Variants in THSD7A observed in about 807,000 individuals in gnomAD.
THSD7A encodes the protein thrombospondin type 1 domain containing 7A.
In THSD7A, 96 loss-of-function variants were observed where a neutral mutation model predicts 231.3. The observed-to-expected ratio is 0.41, with a 90% CI of 0.35 to 0.49. The LOEUF (loss-of-function observed/expected upper bound fraction) is 0.49. Ranked by LOEUF, THSD7A falls within the 20% of genes least tolerant of loss-of-function variation. The pLI is 0.05. For missense variants in THSD7A, 2,290 were observed against 2,070.2 expected (o/e 1.11, Z -2.06); for synonymous variants, 940 against 743.3 (o/e 1.26, Z -4.30).
intron 1 of THSD7A, among the ~76,000 whole-genome samples, chr7:11,763,601 AAGT>A (rs1782934150): frequency 6.6e-6 from 1 of 152,184 alleles, no homozygotes; most frequent in Non-Finnish European, 1.5e-5. Flanking sequence ...TCAAAAAATG[AAGT>A]AGATGAATTA....
At chr7:11,801,448 A>G (rs1784274218) in intron 1 of THSD7A, among the ~76,000 whole-genome samples, 1 of 152,188 alleles carries the variant, frequency 6.6e-6, no homozygotes, top group Admixed American at 6.5e-5. Context: ...TGAAGCATAG[A>G]GGGCCTAAGA....
In THSD7A at chr7:11,668,129, T is replaced by C. The variant is rs1783219476; in HGVS notation, c.191-31168A>G. Among the ~76,000 whole-genome samples, 3 of 39,410 alleles carry C rather than the reference T, an allele frequency of 7.6e-5. No homozygotes were observed. In the South Asian group the frequency reaches 1.6e-3, roughly 21 times the overall value. The allele number at this position is 39,410 out of a possible 152,430, so 25.9% of individuals were successfully genotyped here. A position where few individuals can be genotyped will look rare whatever the true frequency, so the allele number is the denominator to read the frequency against. ...TTTACTCTGGATGTGAAATCTATTA[T>C]TTTTTTCCTCAAAAGAAATGGAAGG... On this transcript the variant is annotated intron_variant, in intron 1 of 27. Coordinates refer to ENST00000423059, the MANE Select transcript of THSD7A (RefSeq NM_015204.3).
chr7:11,684,745 C>T (rs947543099), intron 1 of THSD7A, among the ~76,000 whole-genome samples: 1 of 151,876 alleles, frequency 6.6e-6, no homozygotes, highest in African/African-American at 2.4e-5. Context: ...AATGGAAAAA[C>T]ATTCTATGCT....
At chr7:11,525,925 A>T (rs1788455948) in intron 6 of THSD7A, among the ~76,000 whole-genome samples, 2 of 152,180 alleles carry the variant, frequency 1.3e-5, no homozygotes, top group African/African-American at 4.8e-5. Flanking sequence ...CACTGGGTGA[A>T]AACAGATTTC....
At chr7:11,439,376 A>T (rs1190004687) in intron 13 of THSD7A, among the ~76,000 whole-genome samples, 1 of 151,958 alleles carries the variant, frequency 6.6e-6, no homozygotes, top group Non-Finnish European at 1.5e-5. Flanking sequence ...CATTTTTTCC[A>T]ACAGCATGTG....
intron 10 of THSD7A, among the ~76,000 whole-genome samples, 192 bp downstream of exon 10, chr7:11,461,819 T>C (rs1446007052): frequency 6.6e-6 from 1 of 152,224 alleles, no homozygotes; most frequent in South Asian, 2.1e-4. Context: ...AATATTTGCC[T>C]TCTTGTACAT....
At chr7:11,704,067 GAGTA>G (rs1780687425) in intron 1 of THSD7A, among the ~76,000 whole-genome samples, 1 of 151,164 alleles carries the variant, frequency 6.6e-6, no homozygotes, top group African/African-American at 2.4e-5. Flanking sequence ...GCTATACACA[GAGTA>G]AGTATTTAAT....
Position 11,543,087 on chromosome 7 carries a change from G to C in THSD7A, c.1484C>G (p.Thr495Ser), listed in dbSNP as rs575492028. ...ASKPMDLKLC[T>S]GPIPNTTQLC... ...CTGTGTAGTATTAGGGATAGGTCCA[G>C]TGCATAATTTTAAGTCCATTGGCTT... The change falls in exon 5 of 28, where the codon ACT becomes AGT. Residue 495 changes from threonine (T) to serine (S), a missense_variant. By Grantham distance (58) the Thr-to-Ser change is moderately conservative. Coordinates refer to ENST00000423059, the MANE Select transcript of THSD7A (RefSeq NM_015204.3). 5.0e-6 allele frequency: 8 copies of C among 1,612,760 alleles called. No homozygotes were observed. Among genetic ancestry groups the C allele is most frequent in the African/African-American group, 1.3e-5 (1 of 74,998 alleles).
At chr7:11,812,526 C>T (rs1370928594) in intron 1 of THSD7A, among the ~76,000 whole-genome samples, 1 of 152,060 alleles carries the variant, frequency 6.6e-6, no homozygotes, top group African/African-American at 2.4e-5. Context: ...GGTAAAATCT[C>T]AAGAACATGG....
chr7:11,825,473 G>A (rs1256513672), intron 1 of THSD7A, among the ~76,000 whole-genome samples: 1 of 152,006 alleles, frequency 6.6e-6, no homozygotes. Flanking sequence ...ATTTTCTAGT[G>A]CATTTACTGG....
intron 1 of THSD7A, among the ~76,000 whole-genome samples, chr7:11,797,260 A>G (rs1430605543): frequency 6.6e-6 from 1 of 152,062 alleles, no homozygotes; most frequent in African/African-American, 2.4e-5. Flanking sequence ...GCTGTTGTTA[A>G]TTATGGATAA....
At chr7:11,781,515 C>T (rs1342985318) in intron 1 of THSD7A, among the ~76,000 whole-genome samples, 1 of 152,088 alleles carries the variant, frequency 6.6e-6, no homozygotes, top group Non-Finnish European at 1.5e-5. Flanking sequence ...TCTGAAACCC[C>T]TACTTCGATG....
In THSD7A at chr7:11,783,291, G is replaced by A. The variant is rs147959208; in HGVS notation, c.190+48466C>T. Reference sequence around the variant, plus strand: ...GAACACTTACATTAGCCTACTGGTGGGCAAAATCATCTAACAGAAACCTAT... The same window carrying A: ...GAACACTTACATTAGCCTACTGGTGAGCAAAATCATCTAACAGAAACCTAT... On this transcript the variant is annotated intron_variant, in intron 1 of 27. Coordinates refer to ENST00000423059, the MANE Select transcript of THSD7A (RefSeq NM_015204.3). Among the ~76,000 whole-genome samples, 624 of 152,170 alleles carry A rather than the reference G, an allele frequency of 4.1e-3. 3 individuals are homozygous for A. The highest frequency in any genetic ancestry group is 0.014 in the African/African-American group (588 of 41,538).
At chr7:11,431,541 C>T (rs1391947043) in intron 13 of THSD7A, among the ~76,000 whole-genome samples, 1 of 152,018 alleles carries the variant, frequency 6.6e-6, no homozygotes, top group Non-Finnish European at 1.5e-5. Flanking sequence ...AATTCTATTC[C>T]ATTTATCTCC....
intron 6 of THSD7A, among the ~76,000 whole-genome samples, chr7:11,514,808 A>G (rs1274552221): frequency 6.6e-6 from 1 of 152,138 alleles, no homozygotes. Context: ...TTCTCCTTTC[A>G]AGATTATTAC....
intron 1 of THSD7A, among the ~76,000 whole-genome samples, chr7:11,783,005 G>T (rs905590767): frequency 6.6e-6 from 1 of 152,072 alleles, no homozygotes; most frequent in African/African-American, 2.4e-5. Flanking sequence ...TTGAGTGTGC[G>T]AACCATATTT....
chr7:11,700,738 A>G (rs549686410), intron 1 of THSD7A, among the ~76,000 whole-genome samples: 1 of 151,298 alleles, frequency 6.6e-6, no homozygotes, highest in East Asian at 2.0e-4. Flanking sequence ...GAGTTCGGGA[A>G]TTTATTGCTC....
intron 6 of THSD7A, among the ~76,000 whole-genome samples, chr7:11,500,125 G>C (rs531639892): frequency 6.6e-6 from 1 of 152,260 alleles, no homozygotes; most frequent in South Asian, 2.1e-4. Context: ...GGACCTCTCA[G>C]CTGAAACTCT....
At chr7:11,433,044 A>G (rs1784527885) in intron 13 of THSD7A, among the ~76,000 whole-genome samples, 1 of 152,010 alleles carries the variant, frequency 6.6e-6, no homozygotes, top group African/African-American at 2.4e-5. Context: ...AGAAGACAGA[A>G]AGAAGATGCC....
Sources: allele counts gnomAD v4.1 joint callset (sites outside exome capture counted in the v4.1 genomes callset), GRCh38; gene constraint gnomAD v4.1.1; transcripts MANE v1.5; gene names NCBI Gene and HGNC (gene_info 2026-07-23, HGNC 2026-07-21).